Variants in TAF4B observed in about 807,000 individuals in gnomAD.
TAF4B encodes the protein transcription initiation factor TFIID subunit 4B.
TAF4B carries 38 observed loss-of-function variants against 86.4 expected under a neutral mutation model. The observed-to-expected ratio is 0.44, with a 90% CI of 0.34 to 0.58. TAF4B has a LOEUF of 0.58. Ranked by LOEUF, TAF4B falls within the 20% of genes least tolerant of loss-of-function variation. The pLI is 0.02. For synonymous variants in TAF4B, 388 were observed against 391.2 expected (o/e 0.99, Z 0.10); for missense variants, 988 against 1,027.6 (o/e 0.96, Z 0.53).
At chr18:26,362,274 G>A (rs2057338191) in intron 14 of TAF4B, among the ~76,000 whole-genome samples, 1 of 152,170 alleles carries the variant, frequency 6.6e-6, no homozygotes, top group Admixed American at 6.5e-5. Context: ...ATTGGTTTAT[G>A]TGAAGTACTT....
chr18:26,351,985 A>G (rs961656077), intron 13 of TAF4B, among the ~76,000 whole-genome samples: 3 of 152,148 alleles, frequency 2.0e-5, no homozygotes, highest in African/African-American at 7.2e-5. Context: ...AAATTTAAGT[A>G]TGTATATTGT....
intron 5 of TAF4B, among the ~76,000 whole-genome samples, chr18:26,279,902 G>A (rs935155928): frequency 6.6e-6 from 1 of 152,066 alleles, no homozygotes; most frequent in African/African-American, 2.4e-5. Context: ...AAATTAGCTG[G>A]GTGTGGTGGC....
At chr18:26,322,224 G>A (rs757696845) in intron 11 of TAF4B, among the ~76,000 whole-genome samples, 1 of 152,050 alleles carries the variant, frequency 6.6e-6, no homozygotes, top group Non-Finnish European at 1.5e-5. Context: ...CTAGGAAATT[G>A]TCAGCTACTA....
intron 1 of TAF4B, among the ~76,000 whole-genome samples, chr18:26,253,893 T>C (rs2056041667): frequency 6.8e-6 from 1 of 147,830 alleles, no homozygotes; most frequent in African/African-American, 2.5e-5. Flanking sequence ...TGTGTAAAAC[T>C]TATGCCCCCC....
chr18:26,361,608 G>C (rs563202965), intron 14 of TAF4B, among the ~76,000 whole-genome samples: 227 of 151,864 alleles, frequency 1.5e-3, no homozygotes, highest in African/African-American at 5.2e-3. Flanking sequence ...AGCTGGGCGT[G>C]GTGTCATGTG....
intron 9 of TAF4B, among the ~76,000 whole-genome samples, chr18:26,301,483 G>A (rs569082466): frequency 6.6e-6 from 1 of 151,982 alleles, no homozygotes; most frequent in Non-Finnish European, 1.5e-5. Flanking sequence ...TTGTAGAGGT[G>A]GGGTCTTGCT....
intron 10 of TAF4B, among the ~76,000 whole-genome samples, chr18:26,317,377 A>G (rs1380178480): frequency 6.6e-6 from 1 of 152,092 alleles, no homozygotes; most frequent in Non-Finnish European, 1.5e-5. Flanking sequence ...TGATTATATG[A>G]TAGAAAAATT....
At position 26,293,511 on chromosome 18, in the gene TAF4B, G is replaced by A. The variant is rs2056622632; in HGVS notation, c.1812G>A (p.Glu604=). The change falls in exon 9 of 15, where the codon GAG becomes GAA. Residue 604 remains glutamate, a synonymous_variant. Coordinates refer to ENST00000269142, the MANE Select transcript of TAF4B (RefSeq NM_005640.3). ...ASPTQKNRIK[E]NVTSCFRDED... ...CTACTCAGAAAAATAGAATAAAAGA[G>A]AATGTAACATCATGCTTCCGGTAAG... 4 of 1,571,898 alleles carry A rather than the reference G, an allele frequency of 2.5e-6. No homozygotes were observed.
chr18:26,339,726 G>T (rs1228056933), intron 13 of TAF4B, among the ~76,000 whole-genome samples: 1 of 152,198 alleles, frequency 6.6e-6, no homozygotes, highest in African/African-American at 2.4e-5. Flanking sequence ...TATGATGTGT[G>T]TTATGTGTCC....
rs189116198 is a variant in TAF4B at position 26,355,440 on chromosome 18, C to G, written c.2317-2250C>G. ...GCCAGATTTGCATTAATGCTCAGAA[C>G]TTCCTCCTTTTCTGGTTAAAAGTAC... On this transcript the variant is annotated intron_variant, in intron 13 of 14. Transcript: ENST00000269142. Among the ~76,000 whole-genome samples, 252 of 152,286 alleles carry G rather than the reference C, an allele frequency of 1.7e-3. 1 individual carries two copies. Among genetic ancestry groups the G allele is most frequent in the African/African-American group, 5.9e-3 (245 of 41,576 alleles).
At chr18:26,252,033 A>G (rs969502367) in intron 1 of TAF4B, among the ~76,000 whole-genome samples, 2 of 152,212 alleles carry the variant, frequency 1.3e-5, no homozygotes, top group East Asian at 1.9e-4. Context: ...TCTCACATAT[A>G]TTGTCTCATT....
chr18:26,321,043 C>T (rs563578391), intron 10 of TAF4B, 27 bp from the exon 11 acceptor site: 10 of 1,612,918 alleles, frequency 6.2e-6, no homozygotes, highest in Admixed American at 5.0e-5. Context: ...TACTAAAACA[C>T]GTAATGGATT....
intron 9 of TAF4B, among the ~76,000 whole-genome samples, chr18:26,311,103 T>C (rs985044868): frequency 6.6e-6 from 1 of 152,132 alleles, no homozygotes; most frequent in African/African-American, 2.4e-5. Context: ...GCTGCAGTGA[T>C]AGGTGATGAA....
At chr18:26,345,060 G>A (rs1168260091) in intron 13 of TAF4B, among the ~76,000 whole-genome samples, 1 of 152,164 alleles carries the variant, frequency 6.6e-6, no homozygotes, top group Non-Finnish European at 1.5e-5. Context: ...AGTTTGGAGA[G>A]CTACCATGAA....
At chr18:26,269,341 C>G (rs929850509) in intron 3 of TAF4B, among the ~76,000 whole-genome samples, 1 of 152,096 alleles carries the variant, frequency 6.6e-6, no homozygotes, top group Admixed American at 6.5e-5. Context: ...ATTTTTGATT[C>G]AATGAGTATG....
intron 14 of TAF4B, among the ~76,000 whole-genome samples, chr18:26,371,970 A>G (rs2057408720): frequency 6.6e-6 from 1 of 152,164 alleles, no homozygotes; most frequent in Admixed American, 6.5e-5. Flanking sequence ...AGGGATTGGT[A>G]GACACTGGGG....
intron 6 of TAF4B, among the ~76,000 whole-genome samples, chr18:26,283,529 T>C (rs144181017): frequency 6.6e-6 from 1 of 152,244 alleles, no homozygotes; most frequent in African/African-American, 2.4e-5. Flanking sequence ...CTTTGTTCAT[T>C]GATAGAGCAC....
chr18:26,249,183 A>G (rs1016967048), intron 1 of TAF4B, among the ~76,000 whole-genome samples: 3 of 151,776 alleles, frequency 2.0e-5, no homozygotes, highest in African/African-American at 4.8e-5. Context: ...AAAAAAAAAA[A>G]AAAAGAGGAA....
chr18:26,279,584 C>T (rs1257213079), intron 5 of TAF4B, among the ~76,000 whole-genome samples: 1 of 150,284 alleles, frequency 6.7e-6, no homozygotes, highest in African/African-American at 2.4e-5. Context: ...AGCCAAGTGG[C>T]ATCACATTAC....
Sources: gnomAD v4.1 joint callset for allele counts (sites outside exome capture counted in the v4.1 genomes callset) on GRCh38, gnomAD v4.1.1 for gene constraint, MANE v1.5 for transcripts, NCBI Gene and HGNC (gene_info 2026-07-23, HGNC 2026-07-21) for gene names.